The following BMP5 variants were observed in gnomAD, a reference collection of about 807,000 sequenced individuals.
BMP5 encodes the protein bone morphogenetic protein 5.
Under a neutral mutation model 46.6 loss-of-function variants are expected in BMP5, and 23 were observed. That is an observed-to-expected ratio of 0.49 (90% CI 0.35 to 0.70). BMP5 has a LOEUF of 0.70. Ranked by LOEUF, BMP5 falls within the 30% of genes least tolerant of loss-of-function variation. The pLI, the probability that BMP5 is intolerant of heterozygous loss-of-function variation, is 0.00. For missense variants in BMP5, 545 were observed against 565.6 expected (o/e 0.96, Z 0.37); for synonymous variants, 204 against 191.9 (o/e 1.06, Z -0.52).
intron 2 of BMP5, among the ~76,000 whole-genome samples, chr6:55,808,310 C>A (rs1241327917): frequency 6.6e-6 from 1 of 152,164 alleles, no homozygotes; most frequent in Non-Finnish European, 1.5e-5. Flanking sequence ...TTCTTGGGAC[C>A]AAGCCATCCA....
At chr6:55,814,868 G>T (rs563128919) in intron 2 of BMP5, among the ~76,000 whole-genome samples, 1 of 152,262 alleles carries the variant, frequency 6.6e-6, no homozygotes, top group Middle Eastern at 3.4e-3. Flanking sequence ...GGTGGCTCAC[G>T]CCTGTAATCC....
chr6:55,819,678 T>C lies in BMP5; in HGVS notation c.660A>G (p.Gln220=). 6.2e-7 allele frequency: 1 copy of C among 1,613,120 alleles called. No homozygotes were observed. The highest frequency in any genetic ancestry group is 1.1e-5 in the South Asian group (1 of 91,052). ...ACCTATTTGTGTATTCCTTGATGAT[T>C]TGATATATGCTAATCTTAATTGTTT... is the stretch of plus-strand genomic sequence containing the variant. ...ENETIKISIY[Q]IIKEYTNRDA... The change falls in exon 2 of 7, where the codon CAA becomes CAG. Residue 220 remains glutamine, a synonymous_variant. Coordinates refer to ENST00000370830, the MANE Select transcript of BMP5 (RefSeq NM_021073.4).
intron 4 of BMP5, among the ~76,000 whole-genome samples, chr6:55,762,499 A>T (rs963434052): frequency 6.6e-6 from 1 of 152,162 alleles, no homozygotes; most frequent in Non-Finnish European, 1.5e-5. Flanking sequence ...ACTTCATTAA[A>T]ACAGATTAAA....
At chr6:55,823,108 G>A (rs1352226090) in intron 1 of BMP5, among the ~76,000 whole-genome samples, 1 of 152,002 alleles carries the variant, frequency 6.6e-6, no homozygotes, top group Non-Finnish European at 1.5e-5. Context: ...ATAAGAAATT[G>A]GGTGATGACA....
At chr6:55,765,067 C>G (rs1774887850) in intron 4 of BMP5, among the ~76,000 whole-genome samples, 2 of 151,974 alleles carry the variant, frequency 1.3e-5, no homozygotes, top group African/African-American at 4.8e-5. Flanking sequence ...ACATGTACCC[C>G]ATGAATATGT....
chr6:55,829,883 G>A (rs971073438), intron 1 of BMP5, among the ~76,000 whole-genome samples: 4 of 151,706 alleles, frequency 2.6e-5, no homozygotes, highest in African/African-American at 9.7e-5. Flanking sequence ...ACCAAACTGT[G>A]TATATGTAAT....
At chr6:55,832,233 G>T (rs957833588) in intron 1 of BMP5, among the ~76,000 whole-genome samples, 3 of 152,104 alleles carry the variant, frequency 2.0e-5, no homozygotes, top group African/African-American at 7.2e-5. Flanking sequence ...CTTCTCCCCA[G>T]TGAATTTTTG....
chr6:55,873,715 G>T (rs9382564), intron 1 of BMP5, among the ~76,000 whole-genome samples: 5,488 of 151,772 alleles, frequency 0.036, 190 homozygotes, highest in East Asian at 0.16. Flanking sequence ...GACCACTAAA[G>T]CATGTTTTAC....
intron 1 of BMP5, among the ~76,000 whole-genome samples, chr6:55,834,369 C>A (rs186080961): frequency 4.6e-5 from 7 of 152,202 alleles, no homozygotes; most frequent in African/African-American, 1.4e-4. Context: ...GTAAATATTA[C>A]TAATATTATC....
At chr6:55,779,839 T>C (rs228150) in intron 3 of BMP5, among the ~76,000 whole-genome samples, 125,200 of 151,950 alleles carry the variant, frequency 0.82, 51,763 homozygotes, top group Admixed American at 0.85. Context: ...TTCCTCCTTA[T>C]TACTTTCTTG....
intron 1 of BMP5, among the ~76,000 whole-genome samples, chr6:55,851,457 A>C (rs763168628): frequency 6.6e-6 from 1 of 152,100 alleles, no homozygotes; most frequent in Non-Finnish European, 1.5e-5. Context: ...GGTTGTCCAG[A>C]GCCAGTTCTC....
intron 1 of BMP5, 46 bp downstream of exon 1, chr6:55,874,330 T>A: frequency 6.2e-7 from 1 of 1,611,454 alleles, no homozygotes; most frequent in African/African-American, 1.3e-5. Flanking sequence ...TAGGGAAAAC[T>A]TCCACTTTGT....
intron 1 of BMP5, among the ~76,000 whole-genome samples, chr6:55,858,582 G>A (rs1562074593): frequency 6.6e-6 from 1 of 152,120 alleles, no homozygotes. Context: ...ATTAATTCAG[G>A]TTTCATTCTG....
chr6:55,841,331 G>A (rs1776947540), intron 1 of BMP5, among the ~76,000 whole-genome samples: 1 of 151,942 alleles, frequency 6.6e-6, no homozygotes, highest in African/African-American at 2.4e-5. Flanking sequence ...CTTCTTAAAA[G>A]TTATTTTAAA....
chr6:55,852,995 T>TATTTTTACAAAATACAG (rs1185480340), intron 1 of BMP5, among the ~76,000 whole-genome samples: 39 of 151,954 alleles, frequency 2.6e-4, no homozygotes, highest in South Asian at 1.2e-3. Flanking sequence ...CTGGGCATGG[T>TATTTTTACAAAATACAG]GGTGCCCGCC....
At chr6:55,831,835 G>A (rs575186033) in intron 1 of BMP5, among the ~76,000 whole-genome samples, 54 of 152,162 alleles carry the variant, frequency 3.5e-4, no homozygotes, top group African/African-American at 1.2e-3. Flanking sequence ...CACTGGAGGC[G>A]AACAGAAGAT....
chr6:55,838,471 C>A (rs1353347142), intron 1 of BMP5, among the ~76,000 whole-genome samples: 2 of 152,130 alleles, frequency 1.3e-5, no homozygotes, highest in Admixed American at 6.6e-5. Context: ...AAATCCTTTG[C>A]CTATTTTTTT....
intron 4 of BMP5, among the ~76,000 whole-genome samples, chr6:55,773,473 T>C (rs1775093875): frequency 6.6e-6 from 1 of 151,150 alleles, no homozygotes; most frequent in Admixed American, 6.6e-5. Context: ...GAATTGTGCA[T>C]TCGTAATATT....
At chr6:55,800,895 A>G (rs1250899518) in intron 2 of BMP5, among the ~76,000 whole-genome samples, 1 of 152,144 alleles carries the variant, frequency 6.6e-6, no homozygotes, top group Admixed American at 6.5e-5. Context: ...AGCTCCCTTT[A>G]CTCCCAAACC....
Sources: gnomAD v4.1 joint callset for allele counts (sites outside exome capture counted in the v4.1 genomes callset) on GRCh38, gnomAD v4.1.1 for gene constraint, MANE v1.5 for transcripts, NCBI Gene and HGNC (gene_info 2026-07-23, HGNC 2026-07-21) for gene names.